The following GALNT2 variants were observed in gnomAD, a reference collection of about 807,000 sequenced individuals.
The protein encoded by GALNT2 is polypeptide N-acetylgalactosaminyltransferase 2.
In GALNT2, 31 loss-of-function variants were observed where a neutral mutation model predicts 81.4. The observed-to-expected ratio is 0.38, with a 90% CI of 0.29 to 0.51. GALNT2 has a LOEUF of 0.51. GALNT2 is among the 20% of genes least tolerant of loss of function. The pLI is 0.87. For missense variants in GALNT2, 629 were observed against 765.7 expected (o/e 0.82, Z 2.11); for synonymous variants, 303 against 287.4 (o/e 1.05, Z -0.55).
chr1:230,273,482 C>T (rs758682887), intron 14 of GALNT2, among the ~76,000 whole-genome samples: 15 of 152,146 alleles, frequency 9.9e-5, no homozygotes, highest in Non-Finnish European at 1.8e-4. Context: ...TGCTGCCCCT[C>T]GATATTAAGG....
chr1:230,140,830 A>G (rs577371666), intron 1 of GALNT2, among the ~76,000 whole-genome samples: 1 of 152,354 alleles, frequency 6.6e-6, no homozygotes, highest in East Asian at 1.9e-4. Context: ...GACTCCCAGT[A>G]GTATATGCCA....
chr1:230,192,120 G>C (rs1335998995), intron 2 of GALNT2, among the ~76,000 whole-genome samples: 1 of 152,250 alleles, frequency 6.6e-6, no homozygotes, highest in East Asian at 1.9e-4. Flanking sequence ...CTGGGCAGCT[G>C]AGAACTGCAC....
intron 15 of GALNT2, among the ~76,000 whole-genome samples, chr1:230,276,104 T>C (rs2102783950): frequency 6.6e-6 from 1 of 151,386 alleles, no homozygotes; most frequent in South Asian, 2.1e-4. Context: ...TAAACACATA[T>C]ATACATATAT....
At chr1:230,125,890 A>G (rs1477320669) in intron 1 of GALNT2, among the ~76,000 whole-genome samples, 1 of 152,236 alleles carries the variant, frequency 6.6e-6, no homozygotes, top group Non-Finnish European at 1.5e-5. Flanking sequence ...CAGAGTTTCA[A>G]TGTCTCTCTC....
intron 1 of GALNT2, among the ~76,000 whole-genome samples, chr1:230,082,298 G>A (rs1169911294): frequency 6.6e-6 from 1 of 152,244 alleles, no homozygotes; most frequent in Non-Finnish European, 1.5e-5. Flanking sequence ...TTCTCTAATC[G>A]GTCAAAGTGC....
At chr1:230,123,546 G>A (rs1232495424) in intron 1 of GALNT2, among the ~76,000 whole-genome samples, 3 of 152,094 alleles carry the variant, frequency 2.0e-5, no homozygotes, top group African/African-American at 4.8e-5. Flanking sequence ...TTTAGACACC[G>A]AGCTTTGGAG....
At chr1:230,164,924 C>T (rs1662553756) in intron 1 of GALNT2, among the ~76,000 whole-genome samples, 1 of 152,162 alleles carries the variant, frequency 6.6e-6, no homozygotes, top group Non-Finnish European at 1.5e-5. Flanking sequence ...GAGGTCAGCT[C>T]ACACCTGTTT....
At chr1:230,264,450 G>T (rs1330295047) in intron 13 of GALNT2, 1 of 152,182 alleles carries the variant, frequency 6.6e-6, no homozygotes, top group African/African-American at 2.4e-5. Context: ...AGTGACACTG[G>T]GCCCCGCACC....
chr1:230,092,473 A>G (rs1660122045), intron 1 of GALNT2, among the ~76,000 whole-genome samples: 1 of 151,422 alleles, frequency 6.6e-6, no homozygotes, highest in Admixed American at 6.6e-5. Context: ...CCTCCTAAGT[A>G]GCTGGGATTA....
At chr1:230,232,112 T>C (rs1054640122) in intron 3 of GALNT2, among the ~76,000 whole-genome samples, 3 of 152,206 alleles carry the variant, frequency 2.0e-5, no homozygotes, top group African/African-American at 7.2e-5. Context: ...AAATTTATTC[T>C]TTTTCTTTTT....
rs141843529 is a variant in GALNT2 at position 230,236,370 on chromosome 1, C to T, written c.491C>T (p.Pro164Leu). The T allele has an allele frequency of 1.2e-5, 19 of 1,613,980 alleles. No homozygotes were observed. The highest frequency in any genetic ancestry group is 4.5e-5 in the East Asian group (2 of 44,876). ...RTVVSVLKKSPPHLIKEIILV... is the reference protein window; with the variant it reads ...RTVVSVLKKSLPHLIKEIILV... Reference sequence around the variant, plus strand: ...TTTCTTAGCGTGCTTAAGAAAAGCCCGCCCCATCTCATAAAAGAAATCATC... The same window carrying T: ...TTTCTTAGCGTGCTTAAGAAAAGCCTGCCCCATCTCATAAAAGAAATCATC... Residue 164 changes from proline to leucine, a missense_variant, in exon 5 of 16, where the codon CCG becomes CTG. By Grantham distance (98) the Pro-to-Leu change is moderately conservative. This residue lies in a region of GALNT2 where 360 missense variants were observed against 492.8 expected (regional missense o/e 0.73). Coordinates refer to ENST00000366672, the MANE Select transcript of GALNT2 (RefSeq NM_004481.5).
chr1:230,109,296 G>A (rs1474172185), intron 1 of GALNT2, among the ~76,000 whole-genome samples: 5 of 152,210 alleles, frequency 3.3e-5, no homozygotes, highest in Admixed American at 2.0e-4. Context: ...CTGCAGCAGT[G>A]GTGGTTGGGG....
chr1:230,162,716 A>T (rs903479851), intron 1 of GALNT2, among the ~76,000 whole-genome samples: 1 of 152,202 alleles, frequency 6.6e-6, no homozygotes, highest in Non-Finnish European at 1.5e-5. Context: ...TGTAGGTCAT[A>T]AGACCCACCC....
At chr1:230,205,354 A>T (rs1272645921) in intron 3 of GALNT2, among the ~76,000 whole-genome samples, 1 of 152,124 alleles carries the variant, frequency 6.6e-6, no homozygotes, top group Non-Finnish European at 1.5e-5. Context: ...TTTTAGGGCC[A>T]TGGAAAAGTG....
At chr1:230,129,667 A>G (rs1032637801) in intron 1 of GALNT2, among the ~76,000 whole-genome samples, 5 of 152,180 alleles carry the variant, frequency 3.3e-5, no homozygotes, top group Admixed American at 2.0e-4. Context: ...AAGGGTCCTT[A>G]CTTTTTTTCC....
intron 1 of GALNT2, among the ~76,000 whole-genome samples, chr1:230,077,384 A>T (rs1659596830): frequency 6.6e-6 from 1 of 152,218 alleles, no homozygotes; most frequent in African/African-American, 2.4e-5. Flanking sequence ...TGTCTGGAAT[A>T]CAACTTTTTC....
intron 1 of GALNT2, among the ~76,000 whole-genome samples, chr1:230,110,539 C>T (rs1227595513): frequency 6.6e-6 from 1 of 152,094 alleles, no homozygotes; most frequent in African/African-American, 2.4e-5. Flanking sequence ...ATAATCAAAG[C>T]TTTGTGTGGG....
chr1:230,123,622 T>C (rs1661089462), intron 1 of GALNT2, among the ~76,000 whole-genome samples: 1 of 152,260 alleles, frequency 6.6e-6, no homozygotes, highest in Non-Finnish European at 1.5e-5. Context: ...TTTGGTATTG[T>C]CTTGCTTGAG....
chr1:230,262,817 A>G (rs1431635381), intron 12 of GALNT2, 105 bp from the exon 13 acceptor site: 3 of 1,329,814 alleles, frequency 2.3e-6, no homozygotes, highest in Admixed American at 1.7e-5. Context: ...TCCACACCAC[A>G]CCACCTGCCC....
Sources: gnomAD v4.1 joint callset for allele counts (sites outside exome capture counted in the v4.1 genomes callset) on GRCh38, gnomAD v4.1.1 for gene constraint, gnomAD v4.1.1 regional missense constraint, MANE v1.5 for transcripts, NCBI Gene and HGNC (gene_info 2026-07-23, HGNC 2026-07-21) for gene names.